TMEM263: variants seen among roughly 807,000 people sequenced by gnomAD.
TMEM263 encodes transmembrane protein 263, also known as UPF0444 transmembrane protein C12orf23.
Under a neutral mutation model 8.6 loss-of-function variants are expected in TMEM263, and 5 were observed. That is an observed-to-expected ratio of 0.58 (90% CI 0.31 to 1.23). The LOEUF (loss-of-function observed/expected upper bound fraction) is 1.23, where lower values mean the gene tolerates loss of function less well. Ranked by LOEUF, TMEM263 falls within the 50% of genes most tolerant of loss-of-function variation. TMEM263 has a pLI of 0.07. For missense variants in TMEM263, 104 were observed against 138.8 expected (o/e 0.75, Z 1.26); for synonymous variants, 50 against 47.9 (o/e 1.04, Z -0.18).
chr12:106,963,814 T>C (rs1456028832), intron 2 of TMEM263, among the ~76,000 whole-genome samples: 1 of 152,222 alleles, frequency 6.6e-6, no homozygotes, highest in East Asian at 1.9e-4. Context: ...AATAATTGTT[T>C]TTAAGGGATA....
intron 3 of TMEM263, among the ~76,000 whole-genome samples, chr12:106,969,027 A>G (rs939893899): frequency 1.3e-5 from 2 of 152,204 alleles, no homozygotes; most frequent in Non-Finnish European, 2.9e-5. Flanking sequence ...TAATAAAAAT[A>G]TTTGGTTTTT....
Position 106,957,134 on chromosome 12 carries a change from G to C in TMEM263, c.-22G>C. ...CCCTCAGGGGTTCCCCAGGAATATC[G>C]ATACAACACCAACAGGTAAACGCGC... On this transcript the variant is annotated 5_prime_UTR_variant, in exon 2 of 4. Transcript: ENST00000280756. The C allele has an allele frequency of 1.0e-6, 1 of 985,510 alleles. No individual in the cohort carries two copies. The highest frequency in any genetic ancestry group is 1.2e-6 in the Non-Finnish European group (1 of 830,258). The allele number at this position is 985,510 out of a possible 1,614,324, so 61.0% of individuals were successfully genotyped here. A position where few individuals can be genotyped will look rare whatever the true frequency, so the allele number is the denominator to read the frequency against.
rs184057248 is a variant in TMEM263, at chr12:106,971,449, A to G, written c.*58A>G. 1.7e-5 allele frequency: 25 copies of G among 1,497,418 alleles called. No homozygotes were observed. The highest frequency in any genetic ancestry group is 1.6e-4 in the South Asian group (12 of 74,774). 92.8% of individuals were successfully genotyped at this position (1,497,418 alleles called of 1,614,324 possible). A position where few individuals can be genotyped will look rare whatever the true frequency, so the allele number is the denominator to read the frequency against. On this transcript the variant is annotated 3_prime_UTR_variant, in exon 4 of 4. Transcript: ENST00000280756. ...GTAATGCCAGTGGCATTGAATTGCT[A>G]AATTATGGACTACAACCAAGTCAAC...
Position 106,956,059 on chromosome 12 carries a change from C to T in TMEM263, c.-81C>T. 1 of 985,158 alleles carries T rather than the reference C, an allele frequency of 1.0e-6. No individual in the cohort carries two copies. 61.0% of individuals were successfully genotyped at this position (985,158 alleles called of 1,614,324 possible). A position where few individuals can be genotyped will look rare whatever the true frequency, so the allele number is the denominator to read the frequency against. ...CCCCAGCCCTAGCGCTGGCCGCGAC[C>T]CCGGCGGTGAGTGAGTCGGGATGCG... On this transcript the variant is annotated 5_prime_UTR_variant, in exon 1 of 4. Transcript: ENST00000280756.
intron 2 of TMEM263, among the ~76,000 whole-genome samples, chr12:106,964,975 T>C (rs1951824605): frequency 6.6e-6 from 1 of 152,210 alleles, no homozygotes; most frequent in Non-Finnish European, 1.5e-5. Flanking sequence ...CAGAATGATC[T>C]TTTAAAAGAT....
chr12:106,966,552 C>G (rs182114187), intron 2 of TMEM263, among the ~76,000 whole-genome samples: 1 of 152,314 alleles, frequency 6.6e-6, no homozygotes. Flanking sequence ...AATCTCCAAA[C>G]TGTTTTCCAC....
chr12:106,960,615 G>C (rs553984939), intron 2 of TMEM263, among the ~76,000 whole-genome samples: 1 of 152,074 alleles, frequency 6.6e-6, no homozygotes, highest in Non-Finnish European at 1.5e-5. Context: ...CATGGTGGGC[G>C]TGGGAGTGGG....
chr12:106,968,241 T>G (rs1190018654), intron 3 of TMEM263, among the ~76,000 whole-genome samples: 1 of 152,124 alleles, frequency 6.6e-6, no homozygotes, highest in Non-Finnish European at 1.5e-5. Flanking sequence ...TAGGCAAAAA[T>G]GAAATTGCTA....
At position 106,956,047 on chromosome 12, in the gene TMEM263, G is replaced by A. The variant is rs1951683730; in HGVS notation, c.-93G>A. On this transcript the variant is annotated 5_prime_UTR_variant, in exon 1 of 4. Coordinates refer to ENST00000280756, the MANE Select transcript of TMEM263 (RefSeq NM_152261.4). ...CACTCCGCCCGGCCCCAGCCCTAGC[G>A]CTGGCCGCGACCCCGGCGGTGAGTG... 2 of 985,510 alleles carry A rather than the reference G, an allele frequency of 2.0e-6. No individual in the cohort carries two copies. The highest frequency in any genetic ancestry group is 9.4e-5 in the South Asian group (2 of 21,294). 61.0% of individuals were successfully genotyped at this position (985,510 alleles called of 1,614,324 possible).
Position 106,971,431 on chromosome 12 carries a change from C to A in TMEM263, c.*40C>A. ...CTTGCGCTCCACAGCACTGTAATGC[C>A]AGTGGCATTGAATTGCTAAATTATG... On this transcript the variant is annotated 3_prime_UTR_variant, in exon 4 of 4. Transcript: ENST00000280756. The A allele has an allele frequency of 6.5e-7, 1 of 1,529,140 alleles. No homozygotes were observed. Among genetic ancestry groups the A allele is most frequent in the Non-Finnish European group, 8.8e-7 (1 of 1,138,080 alleles). The allele number at this position is 1,529,140 out of a possible 1,614,324, so 94.7% of individuals were successfully genotyped here. A position where few individuals can be genotyped will look rare whatever the true frequency, so the allele number is the denominator to read the frequency against.
rs1376387862 is a variant in TMEM263, at chr12:106,972,743, G to A, written c.*1352G>A. The A allele has an allele frequency of 2.0e-5, 3 of 151,848 alleles. No individual in the cohort carries two copies. Among genetic ancestry groups the A allele is most frequent in the Non-Finnish European group, 4.4e-5 (3 of 67,924 alleles). 9.4% of individuals were successfully genotyped at this position (151,848 alleles called of 1,614,324 possible). ...CGTTTCATGTTTAATTTCATAAAAC[G>A]TTTAACAATTGGCATATATACTTGG... On this transcript the variant is annotated 3_prime_UTR_variant, in exon 4 of 4. Coordinates refer to ENST00000280756, the MANE Select transcript of TMEM263 (RefSeq NM_152261.4).
intron 2 of TMEM263, among the ~76,000 whole-genome samples, chr12:106,964,293 C>G (rs1216949774): frequency 6.6e-6 from 1 of 152,168 alleles, no homozygotes; most frequent in Admixed American, 6.5e-5. Flanking sequence ...CTATCCTAAA[C>G]AGCAAGTATT....
intron 3 of TMEM263, 104 bp from the exon 4 acceptor site, chr12:106,971,001 A>T: frequency 8.2e-7 from 1 of 1,216,028 alleles, no homozygotes; most frequent in Non-Finnish European, 1.2e-6. Context: ...TTATCAAATC[A>T]ACCTCCTGTT....
Position 106,967,685 on chromosome 12 carries a change from A to G in TMEM263, c.64+505A>G, listed in dbSNP as rs368377418. Among the ~76,000 whole-genome samples, 11 of 152,336 alleles carry G rather than the reference A, an allele frequency of 7.2e-5. 1 individual carries two copies. The highest frequency in any genetic ancestry group is 3.9e-4 in the East Asian group (2 of 5,188). On this transcript the variant is annotated intron_variant, in intron 3 of 3. Coordinates refer to ENST00000280756, the MANE Select transcript of TMEM263 (RefSeq NM_152261.4). Reference sequence around the variant, plus strand: ...ATAGATAGTGGTGAATAGGGACACAATTTTACCATATAAGGCATAATATTT... The same window carrying G: ...ATAGATAGTGGTGAATAGGGACACAGTTTTACCATATAAGGCATAATATTT...
intron 3 of TMEM263, among the ~76,000 whole-genome samples, chr12:106,969,954 A>C (rs1172574628): frequency 1.3e-5 from 2 of 151,882 alleles, no homozygotes; most frequent in African/African-American, 4.8e-5. Flanking sequence ...TATGGGGGAT[A>C]TCTCTAGTTT....
In TMEM263 at chr12:106,955,959, C is replaced by T. The variant is rs1205181612; in HGVS notation, c.-181C>T. The T allele has an allele frequency of 2.0e-6, 2 of 986,388 alleles. No individual in the cohort carries two copies. Among genetic ancestry groups the T allele is most frequent in the Non-Finnish European group, 2.4e-6 (2 of 830,924 alleles). The allele number at this position is 986,388 out of a possible 1,614,324, so 61.1% of individuals were successfully genotyped here. ...GGACGCCTCTGGAGCCGCGACTGCC[C>T]GGGGTTGTGCCGGCCGCCGCTGCCG... On this transcript the variant is annotated 5_prime_UTR_variant, in exon 1 of 4. Transcript: ENST00000280756.
At chr12:106,970,004 A>C (rs1047037009) in intron 3 of TMEM263, among the ~76,000 whole-genome samples, 1 of 152,154 alleles carries the variant, frequency 6.6e-6, no homozygotes, top group Non-Finnish European at 1.5e-5. Context: ...CTCTTTCATA[A>C]GAATTACTGA....
At chr12:106,958,903 G>A (rs1430312585) in intron 2 of TMEM263, among the ~76,000 whole-genome samples, 3 of 152,040 alleles carry the variant, frequency 2.0e-5, no homozygotes, top group East Asian at 3.9e-4. Flanking sequence ...GAGCCAACAT[G>A]CCCAGCCAGA....
In TMEM263 at chr12:106,972,932, A is replaced by G. The variant is rs1014737455; in HGVS notation, c.*1541A>G. On this transcript the variant is annotated 3_prime_UTR_variant, in exon 4 of 4. Coordinates refer to ENST00000280756, the MANE Select transcript of TMEM263 (RefSeq NM_152261.4). ...TACCTTGCAGTAAGTAAGTCGAAAT[A>G]GCATGCCTGAAAATTTGAAACAGAC... The G allele has an allele frequency of 6.7e-6, 1 of 150,368 alleles. No individual in the cohort carries two copies. Among genetic ancestry groups the G allele is most frequent in the African/African-American group, 2.4e-5 (1 of 40,828 alleles). 9.3% of individuals were successfully genotyped at this position (150,368 alleles called of 1,614,324 possible).
Sources: allele counts gnomAD v4.1 joint callset (sites outside exome capture counted in the v4.1 genomes callset), GRCh38; gene constraint gnomAD v4.1.1; transcripts MANE v1.5; gene names NCBI Gene and HGNC (gene_info 2026-07-23, HGNC 2026-07-21).